RASGRP3: variants seen among roughly 807,000 people sequenced by gnomAD.
RASGRP3 encodes RAS guanyl releasing protein 3, also known as ras guanyl-releasing protein 3.
RASGRP3 carries 54 observed loss-of-function variants against 82.7 expected under a neutral mutation model. The ratio of observed to expected loss-of-function variants is 0.65; its 90% CI spans 0.52 to 0.82. The LOEUF is 0.82. Ranked by LOEUF, RASGRP3 falls within the 40% of genes least tolerant of loss-of-function variation. RASGRP3 has a pLI of 0.00. For synonymous variants in RASGRP3, 309 were observed against 300.5 expected (o/e 1.03, Z -0.29); for missense variants, 861 against 828.9 (o/e 1.04, Z -0.48).
At chr2:33,463,183 G>A (rs1248052676) in intron 2 of RASGRP3, among the ~76,000 whole-genome samples, 1 of 152,124 alleles carries the variant, frequency 6.6e-6, no homozygotes, top group East Asian at 1.9e-4. Flanking sequence ...TGCTAAACAA[G>A]GTGTTTTGTG....
intron 1 of RASGRP3, among the ~76,000 whole-genome samples, chr2:33,440,156 A>T (rs1199356528): frequency 6.6e-6 from 1 of 152,190 alleles, no homozygotes; most frequent in Non-Finnish European, 1.5e-5. Flanking sequence ...ATGATGGAAT[A>T]GTCAGATAGA....
At chr2:33,462,410 C>T (rs1005909074) in intron 2 of RASGRP3, among the ~76,000 whole-genome samples, 3 of 146,330 alleles carry the variant, frequency 2.1e-5, no homozygotes, top group Admixed American at 6.9e-5. Context: ...GACAGAGTCT[C>T]GCTCTGTTGG....
chr2:33,470,608 T>C (rs1252278093), intron 2 of RASGRP3, among the ~76,000 whole-genome samples: 1 of 152,066 alleles, frequency 6.6e-6, no homozygotes, highest in Non-Finnish European at 1.5e-5. Context: ...CTCGATCTCC[T>C]GACCTTGTGA....
At chr2:33,527,074 A>C (rs1393812755) in intron 9 of RASGRP3, 63 bp from the exon 10 acceptor site, 122 of 1,489,258 alleles carry the variant, frequency 8.2e-5, no homozygotes, top group Non-Finnish European at 1.0e-4. Flanking sequence ...CACACATTGC[A>C]GGGCCCGGGG....
At chr2:33,516,024 A>G (rs1671429089) in intron 3 of RASGRP3, among the ~76,000 whole-genome samples, 1 of 152,212 alleles carries the variant, frequency 6.6e-6, no homozygotes, top group African/African-American at 2.4e-5. Context: ...ATTGTCCTGA[A>G]TTTTACTAAA....
intron 10 of RASGRP3, among the ~76,000 whole-genome samples, chr2:33,530,099 C>CTGGATTAG (rs1672965871): frequency 2.0e-5 from 3 of 152,202 alleles, no homozygotes; most frequent in Admixed American, 6.5e-5. Flanking sequence ...TTTTAGGAAG[C>CTGGATTAG]ACACACATAT....
chr2:33,545,642 T>G (rs1674657887), intron 13 of RASGRP3, among the ~76,000 whole-genome samples: 1 of 152,216 alleles, frequency 6.6e-6, no homozygotes, highest in African/African-American at 2.4e-5. Context: ...TGCCCATTCC[T>G]TTGAGTAGGC....
intron 13 of RASGRP3, among the ~76,000 whole-genome samples, chr2:33,546,056 T>C (rs916461151): frequency 2.6e-4 from 39 of 151,866 alleles, no homozygotes; most frequent in Non-Finnish European, 5.9e-5. Context: ...GTGATCCACC[T>C]GCCTTGGCCT....
intron 1 of RASGRP3, among the ~76,000 whole-genome samples, chr2:33,491,457 G>C (rs1668838860): frequency 6.6e-6 from 1 of 151,568 alleles, no homozygotes; most frequent in South Asian, 2.1e-4. Flanking sequence ...TAATCTTTTT[G>C]TATTCCAACT....
At chr2:33,551,699 T>C (rs1307414596) in intron 14 of RASGRP3, among the ~76,000 whole-genome samples, 1 of 151,004 alleles carries the variant, frequency 6.6e-6, no homozygotes, top group Non-Finnish European at 1.5e-5. Flanking sequence ...ATAATAACAA[T>C]AATAAAAAAC....
intron 1 of RASGRP3, among the ~76,000 whole-genome samples, chr2:33,497,393 G>C (rs926445114): frequency 4.6e-5 from 7 of 152,108 alleles, no homozygotes; most frequent in African/African-American, 1.7e-4. Context: ...AAGCTGATGA[G>C]GTTCTCTTTT....
chr2:33,507,469 AG>A (rs1670496497), intron 1 of RASGRP3, among the ~76,000 whole-genome samples: 1 of 152,154 alleles, frequency 6.6e-6, no homozygotes, highest in African/African-American at 2.4e-5. Flanking sequence ...ATCATAGGAA[AG>A]GTGGCTCTGG....
At chr2:33,499,964 A>G (rs939335894) in intron 1 of RASGRP3, among the ~76,000 whole-genome samples, 1 of 152,214 alleles carries the variant, frequency 6.6e-6, no homozygotes, top group Non-Finnish European at 1.5e-5. Flanking sequence ...ATTCAGTAAC[A>G]TAAATTTTAC....
chr2:33,513,382 C>T (rs77777438), intron 2 of RASGRP3, among the ~76,000 whole-genome samples: 2,815 of 152,198 alleles, frequency 0.018, 99 homozygotes, highest in African/African-American at 0.064. Context: ...TATTCATTCA[C>T]ATGTTTGTTT....
intron 1 of RASGRP3, among the ~76,000 whole-genome samples, chr2:33,501,645 T>C (rs1669888014): frequency 6.6e-6 from 1 of 152,214 alleles, no homozygotes; most frequent in Non-Finnish European, 1.5e-5. Context: ...ACTCCCTTCC[T>C]CTGCAGTTTG....
intron 1 of RASGRP3, among the ~76,000 whole-genome samples, chr2:33,484,799 A>G (rs1176762106): frequency 1.3e-5 from 2 of 152,242 alleles, no homozygotes; most frequent in Non-Finnish European, 2.9e-5. Flanking sequence ...TATACCTTGT[A>G]GAAGGTCACA....
intron 15 of RASGRP3, 39 bp from the exon 16 acceptor site, chr2:33,558,172 G>T (rs1389590905): frequency 1.9e-6 from 3 of 1,596,750 alleles, no homozygotes; most frequent in Middle Eastern, 1.7e-4. Context: ...ATCAACATCA[G>T]ACACACTAAT....
intron 1 of RASGRP3, among the ~76,000 whole-genome samples, chr2:33,478,349 A>G (rs892261871): frequency 1.6e-4 from 24 of 152,112 alleles, no homozygotes; most frequent in African/African-American, 3.4e-4. Flanking sequence ...GCCCGCGGCC[A>G]TGTGGTCTGT....
intron 8 of RASGRP3, 47 bp from the exon 9 acceptor site, chr2:33,524,385 G>T (rs1672321096): frequency 8.0e-7 from 1 of 1,257,076 alleles, no homozygotes; most frequent in South Asian, 1.4e-5. Context: ...AGAAAGTTTA[G>T]AATAATTTGA....
Sources: allele counts gnomAD v4.1 joint callset (sites outside exome capture counted in the v4.1 genomes callset), GRCh38; gene constraint gnomAD v4.1.1; transcripts MANE v1.5; gene names NCBI Gene and HGNC (gene_info 2026-07-23, HGNC 2026-07-21).